KLF12: variants seen among roughly 807,000 people sequenced by gnomAD.
KLF12 encodes the protein KLF transcription factor 12.
Under a neutral mutation model 37.8 loss-of-function variants are expected in KLF12, and 9 were observed. The observed-to-expected ratio is 0.24, with a 90% CI of 0.14 to 0.42. The LOEUF (loss-of-function observed/expected upper bound fraction) is 0.42. Among genes scored for constraint, KLF12 ranks in the 10% least tolerant of loss-of-function variants. The pLI, the probability that KLF12 is intolerant of heterozygous loss-of-function variation, is 1.00. For missense variants in KLF12, 411 were observed against 516.0 expected (o/e 0.80, Z 1.97); for synonymous variants, 208 against 202.1 (o/e 1.03, Z -0.25).
At chr13:74,082,165 A>AAAAAAATAAAAAATAAAAAAT (rs1279559733) in intron 1 of KLF12, among the ~76,000 whole-genome samples, 1 of 146,500 alleles carries the variant, frequency 6.8e-6, no homozygotes, top group African/African-American at 2.5e-5. Flanking sequence ...CTGTCTCTTA[A>AAAAAAATAAAAAATAAAAAAT]AAAAAAAAAA....
intron 3 of KLF12, among the ~76,000 whole-genome samples, chr13:73,877,947 T>A (rs981821304): frequency 2.0e-5 from 3 of 152,038 alleles, no homozygotes; most frequent in Admixed American, 6.6e-5. Flanking sequence ...CACGACTCTA[T>A]CCTGTGCTCA....
intron 2 of KLF12, among the ~76,000 whole-genome samples, chr13:73,994,094 T>G (rs1484823281): frequency 1.3e-5 from 2 of 152,152 alleles, no homozygotes; most frequent in Non-Finnish European, 2.9e-5. Context: ...ATTTTAGCAA[T>G]GAGGATGGAA....
At chr13:73,958,733 C>T (rs1890926790) in intron 2 of KLF12, among the ~76,000 whole-genome samples, 1 of 152,010 alleles carries the variant, frequency 6.6e-6, no homozygotes, top group Non-Finnish European at 1.5e-5. Context: ...TAGTTTCCAC[C>T]CAATCTTTCT....
chr13:73,916,204 TACTTAC>T (rs905014484), intron 3 of KLF12, among the ~76,000 whole-genome samples: 15 of 123,184 alleles, frequency 1.2e-4, no homozygotes, highest in African/African-American at 5.0e-4. Context: ...GAAGAGCTAA[TACTTAC>T]ACACACACAC....
At chr13:74,292,361 G>A in the KLF12 span, among the ~76,000 whole-genome samples, 1 of 152,144 alleles carries the variant, frequency 6.6e-6, no homozygotes, top group African/African-American at 2.4e-5. Flanking sequence ...ACCCAGGTAT[G>A]GGGTGGGAAG....
At chr13:73,810,391 T>A (rs1164497367) in intron 5 of KLF12, among the ~76,000 whole-genome samples, 5 of 152,176 alleles carry the variant, frequency 3.3e-5, no homozygotes. Context: ...GAAGTCAATA[T>A]AATTATTTGC....
the KLF12 span, among the ~76,000 whole-genome samples, chr13:74,162,091 C>T: frequency 2.6e-5 from 4 of 152,180 alleles, no homozygotes; most frequent in Non-Finnish European, 5.9e-5. Context: ...GTGGCAGCCA[C>T]ATATATTACT....
At chr13:73,828,866 G>C (rs1055116836) in intron 4 of KLF12, among the ~76,000 whole-genome samples, 4 of 150,914 alleles carry the variant, frequency 2.7e-5, no homozygotes, top group Non-Finnish European at 5.9e-5. Context: ...TATCTACCAG[G>C]ATACAGTATG....
chr13:74,244,000 T>G, the KLF12 span, among the ~76,000 whole-genome samples: 1 of 152,176 alleles, frequency 6.6e-6, no homozygotes, highest in Admixed American at 6.5e-5. Context: ...TTTGCTTGCT[T>G]TTACTAATAT....
chr13:74,172,732 C>T, the KLF12 span, among the ~76,000 whole-genome samples: 1 of 152,106 alleles, frequency 6.6e-6, no homozygotes, highest in Non-Finnish European at 1.5e-5. Flanking sequence ...ATACCACAGG[C>T]AATTGGAATG....
the KLF12 span, among the ~76,000 whole-genome samples, chr13:74,189,194 GA>G: frequency 6.6e-6 from 1 of 151,974 alleles, no homozygotes; most frequent in African/African-American, 2.4e-5. Context: ...ACACATTTTG[GA>G]AAAAATGTTT....
At chr13:73,804,579 A>G (rs1039304546) in intron 5 of KLF12, among the ~76,000 whole-genome samples, 1 of 152,160 alleles carries the variant, frequency 6.6e-6, no homozygotes, top group Non-Finnish European at 1.5e-5. Flanking sequence ...TGAAGCTTAG[A>G]AGGCTGGTGG....
At chr13:73,878,325 TC>T (rs762706776) in intron 3 of KLF12, among the ~76,000 whole-genome samples, 2 of 152,202 alleles carry the variant, frequency 1.3e-5, no homozygotes, top group Middle Eastern at 3.2e-3. Context: ...TTTTTCCCCT[TC>T]TTACATGGGC....
chr13:73,895,495 T>C (rs536186632), intron 3 of KLF12, among the ~76,000 whole-genome samples: 3 of 152,330 alleles, frequency 2.0e-5, no homozygotes, highest in Non-Finnish European at 4.4e-5. Context: ...ACCTGAAACA[T>C]TAGAAAAGTA....
intron 3 of KLF12, among the ~76,000 whole-genome samples, chr13:73,866,399 A>G (rs368869449): frequency 1.1e-4 from 16 of 152,198 alleles, no homozygotes; most frequent in African/African-American, 3.9e-4. Context: ...TATTTTCTGA[A>G]AGACATTTTG....
intron 3 of KLF12, among the ~76,000 whole-genome samples, chr13:73,938,146 G>A (rs896996673): frequency 2.6e-5 from 4 of 152,166 alleles, no homozygotes; most frequent in Admixed American, 2.0e-4. Flanking sequence ...CCTGGTTAAA[G>A]GGTAATGCAA....
At chr13:73,710,721 G>T (rs1385981414) in intron 7 of KLF12, among the ~76,000 whole-genome samples, 1 of 119,632 alleles carries the variant, frequency 8.4e-6, no homozygotes. Context: ...CCCTCTTCTT[G>T]AGCCCCCCTA....
At chr13:73,813,529 GA>G (rs1566387653) in intron 4 of KLF12, among the ~76,000 whole-genome samples, 1 of 152,072 alleles carries the variant, frequency 6.6e-6, no homozygotes, top group East Asian at 1.9e-4. Context: ...TTATAGAATA[GA>G]AACTACGAAA....
At chr13:74,173,700 T>G in the KLF12 span, among the ~76,000 whole-genome samples, 1 of 152,186 alleles carries the variant, frequency 6.6e-6, no homozygotes, top group African/African-American at 2.4e-5. Context: ...TAAATTCCTG[T>G]TGGGGTTTGA....
Sources: allele counts gnomAD v4.1 joint callset (sites outside exome capture counted in the v4.1 genomes callset), GRCh38; gene constraint gnomAD v4.1.1; transcripts MANE v1.5; gene names NCBI Gene and HGNC (gene_info 2026-07-23, HGNC 2026-07-21).